Variants in COPG1 observed in about 807,000 individuals in gnomAD.
COPG1 encodes the protein coatomer subunit gamma-1.
COPG1 carries 29 observed loss-of-function variants against 102.8 expected under a neutral mutation model. That is an observed-to-expected ratio of 0.28 (90% CI 0.21 to 0.38). COPG1 has a LOEUF of 0.38. Among genes scored for constraint, COPG1 ranks in the 10% least tolerant of loss-of-function variants. The pLI is 1.00. For missense variants in COPG1, 875 were observed against 1,132.7 expected, an observed-to-expected ratio of 0.77 and a Z score of 3.27; for synonymous variants, 406 against 421.6, an observed-to-expected ratio of 0.96 and a Z score of 0.45.
chr3:129,266,981 G>T lies in COPG1; in HGVS notation c.1469-43G>T, dbSNP rs1043170155. On this transcript the variant is annotated intron_variant, in intron 14 of 23. Transcript: ENST00000314797. ...GCTGGAAGTGCCCAAACAGTGAGTT[G>T]TCAGGGTGCATTGGGTAAATCACAT... The T allele has an allele frequency of 3.8e-6, 6 of 1,567,722 alleles. No individual in the cohort carries two copies. The Middle Eastern group carries it at 5.0e-4, about 132-fold the overall frequency.
chr3:129,275,733 C>T lies in COPG1; in HGVS notation c.2494+441C>T, dbSNP rs1328800896. Among the ~76,000 whole-genome samples, 3 of 152,156 alleles carry T rather than the reference C, an allele frequency of 2.0e-5. No homozygotes were observed. The highest frequency in any genetic ancestry group is 6.5e-5 in the Admixed American group (1 of 15,272). ...AAAATATACATAAAATTCACCATTT[C>T]GACCATTTTCAAGTGTATGGTTCAG... On this transcript the variant is annotated intron_variant, in intron 23 of 23. Transcript: ENST00000314797. The surrounding 1 kb of genome is among the most constrained non-coding windows in gnomAD (Gnocchi z 5.0).
intron 10 of COPG1, among the ~76,000 whole-genome samples, chr3:129,259,306 C>G (rs886625436): frequency 6.6e-6 from 1 of 151,836 alleles, no homozygotes; most frequent in African/African-American, 2.4e-5. Context: ...ACTAAAAATA[C>G]AAAAATTAGC....
chr3:129,277,218 C>T, intron 23 of COPG1, 76 bp from the exon 24 acceptor site: 1 of 1,516,536 alleles, frequency 6.6e-7, no homozygotes, highest in East Asian at 2.3e-5. Context: ...TCATGGGTTG[C>T]TGCAAATGCC....
Position 129,256,112 on chromosome 3 carries a change from T to C in COPG1, c.537T>C (p.Asn179=). The C allele has an allele frequency of 6.2e-7, 1 of 1,613,874 alleles. No individual in the cohort carries two copies. The highest frequency in any genetic ancestry group is 2.2e-5 in the East Asian group (1 of 44,868). ...TTGACGTGGTCAAGCGCTGGGTGAA[T>C]GAGGCTCAGGAGGCAGCATCCAGTG... is the stretch of plus-strand genomic sequence containing the variant. The part of the protein sequence containing the change: ...CSFDVVKRWV[N]EAQEAASSDN... The change falls in exon 8 of 24, where the codon AAT becomes AAC. Residue 179 remains asparagine, a synonymous_variant. Coordinates refer to ENST00000314797, the MANE Select transcript of COPG1 (RefSeq NM_016128.4).
Position 129,257,869 on chromosome 3 carries a change from G to A in COPG1, c.871+9G>A, listed in dbSNP as rs1035368863. 1 of 1,612,156 alleles carries A rather than the reference G, an allele frequency of 6.2e-7. No homozygotes were observed. The highest frequency in any genetic ancestry group is 2.2e-5 in the East Asian group (1 of 44,874). On this transcript the variant is annotated intron_variant, in intron 10 of 23. Coordinates refer to ENST00000314797, the MANE Select transcript of COPG1 (RefSeq NM_016128.4). ...GGCCCCGGCTGTGTCAGGTCACTGG[G>A]CATTCCTTCACCCAGCCTCACATGT... is the stretch of plus-strand genomic sequence containing the variant.
At position 129,260,388 on chromosome 3, in the gene COPG1, T is replaced by C. The variant is rs759213346; in HGVS notation, c.927T>C (p.Arg309=). 88 of 1,614,026 alleles carry C rather than the reference T, an allele frequency of 5.5e-5. No individual in the cohort carries two copies. The highest frequency in any genetic ancestry group is 7.2e-5 in the Non-Finnish European group (85 of 1,179,992). ...PKAALRYAAV[R]TLNKVAMKHP... is the part of the protein sequence containing the mutation. ...CTGCTCTCCGCTATGCTGCTGTTCG[T>C]ACCCTCAATAAGGTAAGAGTCCAGC... The change falls in exon 11 of 24, where the codon CGT becomes CGC. Residue 309 remains arginine (R), a synonymous_variant. Coordinates refer to ENST00000314797, the MANE Select transcript of COPG1 (RefSeq NM_016128.4).
intron 21 of COPG1, 109 bp downstream of exon 21, chr3:129,273,013 A>C: frequency 2.1e-6 from 1 of 479,066 alleles, no homozygotes; most frequent in African/African-American, 2.0e-5. Flanking sequence ...AGCTCTTTAA[A>C]ATTTTATTTT....
chr3:129,268,017 T>C lies in COPG1; in HGVS notation c.1625T>C (p.Leu542Pro). Residue 542 changes from leucine (L) to proline (P), a missense_variant, in exon 16 of 24, where the codon CTT becomes CCT. Coordinates refer to ENST00000314797, the MANE Select transcript of COPG1 (RefSeq NM_016128.4). ...GTCCTGGAGCAGAAGCAGAAGGCCC[T>C]TAATGCAGGCTATATCCTAAATGGT... ...LNVLEQKQKALNAGYILNGLT... is the reference protein window; with the variant it reads ...LNVLEQKQKAPNAGYILNGLT... The C allele has an allele frequency of 6.2e-7, 1 of 1,613,958 alleles. No homozygotes were observed. The highest frequency in any genetic ancestry group is 1.3e-5 in the African/African-American group (1 of 75,042).
chr3:129,268,111 G>A, intron 16 of COPG1, 71 bp downstream of exon 16: 1 of 1,335,226 alleles, frequency 7.5e-7, no homozygotes, highest in Non-Finnish European at 1.1e-6. Context: ...TCCCTGGGCA[G>A]GGGAAATCAG....
chr3:129,267,344 G>A (rs1274790370), intron 15 of COPG1: 12 of 339,320 alleles, frequency 3.5e-5, no homozygotes, highest in African/African-American at 6.6e-5. Flanking sequence ...TATTGAAGCC[G>A]GGCATAGTGG....
Position 129,269,019 on chromosome 3 carries a change from G to A in COPG1, c.1843+19G>A. 2 of 1,609,766 alleles carry A rather than the reference G, an allele frequency of 1.2e-6. No homozygotes were observed. The highest frequency in any genetic ancestry group is 1.7e-6 in the Non-Finnish European group (2 of 1,176,140). On this transcript the variant is annotated intron_variant, in intron 18 of 23. Coordinates refer to ENST00000314797, the MANE Select transcript of COPG1 (RefSeq NM_016128.4). ...TTCCAGGGTGAGTCACAGTGGTTGGGGGATGCTTGGGACCTGGGCTTAGTT... is the reference window on the plus strand; with the variant it reads ...TTCCAGGGTGAGTCACAGTGGTTGGAGGATGCTTGGGACCTGGGCTTAGTT...
At chr3:129,274,269 A>T (rs115666147) in intron 21 of COPG1, 21 of 354,632 alleles carry the variant, frequency 5.9e-5, no homozygotes, top group African/African-American at 4.5e-4. Context: ...GCCTCAGTGA[A>T]AATCTGATGG....
At chr3:129,257,679 T>C in intron 9 of COPG1, 48 bp from the exon 10 acceptor site, 1 of 1,613,538 alleles carries the variant, frequency 6.2e-7, no homozygotes, top group South Asian at 1.1e-5. Context: ...CATCCTACCA[T>C]GCTGGGCCAC....
intron 17 of COPG1, 26 bp downstream of exon 17, chr3:129,268,646 C>T: frequency 6.2e-7 from 1 of 1,611,044 alleles, no homozygotes; most frequent in East Asian, 2.2e-5. Flanking sequence ...CTCCCAGAGG[C>T]CATCAAGGCC....
chr3:129,250,912 CTTTTTTTT>C (rs10706690), intron 2 of COPG1, 178 bp downstream of exon 2: 106 of 202,424 alleles, frequency 5.2e-4, no homozygotes, highest in East Asian at 6.8e-4. Flanking sequence ...ATGCTTACTT[CTTTTTTTT>C]TTTTTTTTTT....
At chr3:129,262,986 G>A (rs901631353) in intron 12 of COPG1, among the ~76,000 whole-genome samples, 3 of 141,908 alleles carry the variant, frequency 2.1e-5, no homozygotes, top group African/African-American at 8.3e-5. Context: ...TCGTGCCACT[G>A]CACTCCAGAC....
In COPG1 at chr3:129,254,668, C is replaced by T. The variant is rs1395658713; in HGVS notation, c.324C>T (p.Ser108=). 5 of 1,613,694 alleles carry T rather than the reference C, an allele frequency of 3.1e-6. No homozygotes were observed. The highest frequency in any genetic ancestry group is 1.7e-5 in the Admixed American group (1 of 60,004). The change falls in exon 6 of 24, where the codon AGC becomes AGT. Residue 108 remains serine, a splice_region_variant and synonymous_variant. Transcript: ENST00000314797. Reference sequence around the variant, plus strand: ...GCTGACAATGCCTTCTTCCCTGCAGCCTAACAAAAGACATGACTGGGAAAG... The same window carrying T: ...GCTGACAATGCCTTCTTCCCTGCAGTCTAACAAAAGACATGACTGGGAAAG... ...IAEDVIIVTS[S]LTKDMTGKED...
intron 14 of COPG1, among the ~76,000 whole-genome samples, chr3:129,266,023 A>G (rs1054042158): frequency 2.0e-5 from 3 of 151,852 alleles, no homozygotes; most frequent in South Asian, 2.1e-4. Context: ...CCAGGCTGGA[A>G]TGCAGTGGCG....
At chr3:129,273,987 G>C in intron 21 of COPG1, 2 of 455,346 alleles carry the variant, frequency 4.4e-6, no homozygotes, top group Non-Finnish European at 8.8e-6. Flanking sequence ...CTGTGGATGG[G>C]GACTGTTAGA....
Sources: gnomAD v4.1 joint callset for allele counts (sites outside exome capture counted in the v4.1 genomes callset) on GRCh38, gnomAD v4.1.1 for gene constraint, Gnocchi (gnomAD v3.1) non-coding constraint, MANE v1.5 for transcripts, NCBI Gene and HGNC (gene_info 2026-07-23, HGNC 2026-07-21) for gene names.